The following CAMKK2 variants were observed in gnomAD, a reference collection of about 807,000 sequenced individuals.
CAMKK2 encodes calcium/calmodulin-dependent protein kinase kinase 2.
A neutral mutation model predicts 67.2 loss-of-function variants in CAMKK2; 30 were observed. The ratio of observed to expected loss-of-function variants is 0.45; its 90% CI spans 0.33 to 0.61. The LOEUF (loss-of-function observed/expected upper bound fraction) is 0.61, where lower values mean the gene tolerates loss of function less well. Among genes scored for constraint, CAMKK2 ranks in the 20% least tolerant of loss-of-function variants. CAMKK2 has a pLI of 0.02. For synonymous variants in CAMKK2, 322 were observed against 326.2 expected, an observed-to-expected ratio of 0.99 and a Z score of 0.14; for missense variants, 643 against 802.0, an observed-to-expected ratio of 0.80 and a Z score of 2.39.
intron 16 of CAMKK2, chr12:121,244,183 CA>C: frequency 6.3e-7 from 1 of 1,584,696 alleles, no homozygotes; most frequent in Non-Finnish European, 8.6e-7. Context: ...AGCGAAGAGC[CA>C]CACAGTGCAG....
In CAMKK2 at chr12:121,244,228, G is replaced by A. The variant is rs373323104; in HGVS notation, c.1596+345C>T. On this transcript the variant is annotated intron_variant, in intron 16 of 16. Transcript: ENST00000404169. ...ACCTATGTGCTGACCATGCGGACTCGGGGGGGCACCCATGGGCCCTGTGAC... is the reference window on the plus strand; with the variant it reads ...ACCTATGTGCTGACCATGCGGACTCAGGGGGGCACCCATGGGCCCTGTGAC... 39 of 1,305,628 alleles carry A rather than the reference G, an allele frequency of 3.0e-5. No individual in the cohort carries two copies. In the African/African-American group the frequency reaches 3.4e-4, roughly 11 times the overall value. 80.9% of individuals were successfully genotyped at this position (1,305,628 alleles called of 1,614,324 possible).
chr12:121,248,867 G>A (rs1448999174), intron 13 of CAMKK2, 133 bp from the exon 14 acceptor site: 49 of 1,002,214 alleles, frequency 4.9e-5, no homozygotes, highest in South Asian at 3.8e-4. Flanking sequence ...AACAGCTGGC[G>A]AGCAGAGGGC....
In CAMKK2 at chr12:121,285,640, C is replaced by T. The variant is rs117000732; in HGVS notation, c.-60+10998G>A. Among the ~76,000 whole-genome samples the T allele has an allele frequency of 2.7e-3, 409 of 152,156 alleles. No individual in the cohort carries two copies. Among genetic ancestry groups the T allele is most frequent in the Admixed American group, 6.1e-3 (93 of 15,268 alleles). On this transcript the variant is annotated intron_variant, in intron 1 of 16. Transcript: ENST00000404169. This position sits in a 1 kb window ranked among gnomAD's most constrained non-coding sequence, Gnocchi z 4.1. Reference sequence around the variant, plus strand: ...CCTGGGCAACATGGCGAGACCTCATCGCTACAAAAATACAAAAAAAACCTA... The same window carrying T: ...CCTGGGCAACATGGCGAGACCTCATTGCTACAAAAATACAAAAAAAACCTA...
intron 1 of CAMKK2, among the ~76,000 whole-genome samples, chr12:121,283,664 A>T (rs369577890): frequency 5.5e-4 from 84 of 152,250 alleles, no homozygotes; most frequent in Non-Finnish European, 7.4e-4. Flanking sequence ...AAAATTTTTT[A>T]AATTAGTTGG....
chr12:121,260,146 T>A (rs1341577148), intron 7 of CAMKK2, among the ~76,000 whole-genome samples, 173 bp downstream of exon 7: 1 of 152,240 alleles, frequency 6.6e-6, no homozygotes, highest in Non-Finnish European at 1.5e-5. Flanking sequence ...AGAACTCCCT[T>A]CCACCTGCTG....
chr12:121,277,281 C>T (rs1006713407), intron 1 of CAMKK2, among the ~76,000 whole-genome samples: 1 of 152,202 alleles, frequency 6.6e-6, no homozygotes, highest in Non-Finnish European at 1.5e-5. Context: ...TTCAACCTCA[C>T]AGTAAGAGAA....
intron 1 of CAMKK2, among the ~76,000 whole-genome samples, chr12:121,289,914 C>CG (rs1272847854): frequency 6.5e-5 from 8 of 123,342 alleles, no homozygotes; most frequent in African/African-American, 3.4e-4. Flanking sequence ...AAAAAAAAGG[C>CG]GGGGCGGGGA....
At chr12:121,243,336 G>A (rs1028088173) in intron 16 of CAMKK2, among the ~76,000 whole-genome samples, 3 of 148,142 alleles carry the variant, frequency 2.0e-5, no homozygotes, top group Non-Finnish European at 4.4e-5. Context: ...CAGCCTGCTA[G>A]TCAATCCATT....
chr12:121,242,442 T>G (rs1247466758), intron 16 of CAMKK2, among the ~76,000 whole-genome samples: 1 of 151,978 alleles, frequency 6.6e-6, no homozygotes, highest in Non-Finnish European at 1.5e-5. Context: ...TGGCAAACCC[T>G]AAAATGGAGA....
Position 121,240,713 on chromosome 12 carries a change from T to C in CAMKK2, c.1753A>G (p.Met585Val), listed in dbSNP as rs201638594. Residue 585 changes from methionine (M) to valine (V), a missense_variant, in exon 17 of 17, where the codon ATG becomes GTG. Met to Val is a conservative substitution (Grantham distance 21). Around this residue, in one of 3 missense-constraint regions of CAMKK2, gnomAD observed 140 missense variants for 124.2 expected, o/e 1.13. Coordinates refer to ENST00000404169, the MANE Select transcript of CAMKK2 (RefSeq NM_001270485.2). The surrounding 1 kb of genome is among the most constrained non-coding windows in gnomAD (Gnocchi z 4.4). ...GATCCAGGCAGCTACTCGGGCTCCA[T>C]GGCCTCCTCCGGCCGCAGTGGATGC... Reference protein sequence around the residue: ...RMHPLRPEEAMEPE With the variant: ...RMHPLRPEEAVEPE 4.5e-5 allele frequency: 73 copies of C among 1,604,958 alleles called. No homozygotes were observed. The highest frequency in any genetic ancestry group is 4.5e-5 in the East Asian group (2 of 44,776).
At chr12:121,274,823 A>G (rs1348575183) in intron 1 of CAMKK2, among the ~76,000 whole-genome samples, 7 of 125,910 alleles carry the variant, frequency 5.6e-5, no homozygotes, top group Non-Finnish European at 1.1e-4. Context: ...TTTTTTTGAG[A>G]CAAGGTCTCT....
intron 1 of CAMKK2, among the ~76,000 whole-genome samples, chr12:121,288,730 C>A (rs1899312775): frequency 6.6e-6 from 1 of 152,116 alleles, no homozygotes; most frequent in African/African-American, 2.4e-5. Context: ...CCCACTGACT[C>A]CCACCCCCCT....
chr12:121,259,109 T>C (rs912806308), intron 7 of CAMKK2, among the ~76,000 whole-genome samples: 3 of 152,100 alleles, frequency 2.0e-5, no homozygotes, highest in African/African-American at 4.8e-5. Context: ...CCCAAAGCGC[T>C]GGGATTACAG....
rs1384895265 is a variant in CAMKK2, at chr12:121,253,185, A to G, written c.1107+88T>C. The G allele has an allele frequency of 8.6e-7, 1 of 1,159,916 alleles. No individual in the cohort carries two copies. The highest frequency in any genetic ancestry group is 1.3e-6 in the Non-Finnish European group (1 of 785,642). The allele number at this position is 1,159,916 out of a possible 1,614,324, so 71.9% of individuals were successfully genotyped here. A position where few individuals can be genotyped will look rare whatever the true frequency, so the allele number is the denominator to read the frequency against. ...CTTGATCCAGGGGATTCACTGTTTA[A>G]GCCTGTGTGCGTTGGGTTTCTGCTG... is the stretch of plus-strand genomic sequence containing the variant. On this transcript the variant is annotated intron_variant, in intron 10 of 16. Transcript: ENST00000404169. The surrounding 1 kb of genome is among the most constrained non-coding windows in gnomAD (Gnocchi z 5.0).
chr12:121,276,714 C>T (rs975357349), intron 1 of CAMKK2, among the ~76,000 whole-genome samples: 1 of 151,966 alleles, frequency 6.6e-6, no homozygotes, highest in Non-Finnish European at 1.5e-5. Context: ...GGTGAAACCC[C>T]GTCTCTACTA....
intron 7 of CAMKK2, among the ~76,000 whole-genome samples, chr12:121,258,102 G>A (rs1437226215): frequency 6.8e-6 from 1 of 148,094 alleles, no homozygotes; most frequent in African/African-American, 2.5e-5. Flanking sequence ...TCGGTTCACT[G>A]CAACCTCCGC....
chr12:121,240,687 C>T lies in CAMKK2; in HGVS notation c.*12G>A. The T allele has an allele frequency of 1.3e-6, 2 of 1,586,102 alleles. No individual in the cohort carries two copies. The highest frequency in any genetic ancestry group is 1.7e-6 in the Non-Finnish European group (2 of 1,170,542). On this transcript the variant is annotated 3_prime_UTR_variant, in exon 17 of 17. Coordinates refer to ENST00000404169, the MANE Select transcript of CAMKK2 (RefSeq NM_001270485.2). The surrounding 1 kb of genome is among the most constrained non-coding windows in gnomAD (Gnocchi z 4.4). ...GACGCGGCGCGCATGCGAGGTCGAG[C>T]GATCCAGGCAGCTACTCGGGCTCCA...
intron 3 of CAMKK2, 124 bp from the exon 4 acceptor site, chr12:121,269,705 T>C: frequency 1.4e-6 from 1 of 735,798 alleles, no homozygotes; most frequent in Non-Finnish European, 2.3e-6. Context: ...CTGTATTTTG[T>C]TGGAGCCCAG....
Position 121,253,555 on chromosome 12 carries a change from A to C in CAMKK2, c.908-83T>G. 4 of 1,179,574 alleles carry C rather than the reference A, an allele frequency of 3.4e-6. No homozygotes were observed. The highest frequency in any genetic ancestry group is 5.1e-6 in the Non-Finnish European group (4 of 791,590). The allele number at this position is 1,179,574 out of a possible 1,614,324, so 73.1% of individuals were successfully genotyped here. A position where few individuals can be genotyped will look rare whatever the true frequency, so the allele number is the denominator to read the frequency against. The stretch of plus-strand genomic sequence containing the variant: ...CTATGCGGCCACATGGCCTGGAGAC[A>C]CAGGCATGGCACCCCTCTGATGCCT... On this transcript the variant is annotated intron_variant, in intron 9 of 16. Coordinates refer to ENST00000404169, the MANE Select transcript of CAMKK2 (RefSeq NM_001270485.2). This position sits in a 1 kb window ranked among gnomAD's most constrained non-coding sequence, Gnocchi z 5.0.
Sources: gnomAD v4.1 joint callset for allele counts (sites outside exome capture counted in the v4.1 genomes callset) on GRCh38, gnomAD v4.1.1 for gene constraint, gnomAD v4.1.1 regional missense constraint, Gnocchi (gnomAD v3.1) non-coding constraint, MANE v1.5 for transcripts, NCBI Gene and HGNC (gene_info 2026-07-23, HGNC 2026-07-21) for gene names.